CLMP: variants seen among roughly 807,000 people sequenced by gnomAD.
The protein encoded by CLMP is CXADR-like membrane protein.
CLMP carries 27 observed loss-of-function variants against 45.2 expected under a neutral mutation model. The observed-to-expected ratio is 0.60, with a 90% confidence interval of 0.44 to 0.82. The LOEUF (loss-of-function observed/expected upper bound fraction) is 0.82. CLMP is among the 40% of genes least tolerant of loss of function. The pLI is 0.00. For missense variants in CLMP, 403 were observed against 448.4 expected, an observed-to-expected ratio of 0.90 and a Z score of 0.91; for synonymous variants, 167 against 171.4, an observed-to-expected ratio of 0.97 and a Z score of 0.20.
chr11:123,170,307 A>G (rs917024238), intron 1 of CLMP, among the ~76,000 whole-genome samples: 2 of 152,162 alleles, frequency 1.3e-5, no homozygotes, highest in Non-Finnish European at 2.9e-5. Context: ...CATGGTTTGT[A>G]GGGCAAACTC....
chr11:123,103,233 G>A lies in CLMP; in HGVS notation c.29-5281C>T, dbSNP rs545828931. Among the ~76,000 whole-genome samples the A allele has an allele frequency of 2.6e-5, 4 of 152,274 alleles. No homozygotes were observed. In the East Asian group the frequency reaches 5.8e-4, roughly 22 times the overall value. On this transcript the variant is annotated intron_variant, in intron 1 of 6. Transcript: ENST00000448775. Reference sequence around the variant, plus strand: ...TTAAGAAGGAGCTTTGTAAGAAGGAGCTCTGGCTTAACCCTGATCACTTTC... The same window carrying A: ...TTAAGAAGGAGCTTTGTAAGAAGGAACTCTGGCTTAACCCTGATCACTTTC...
intron 1 of CLMP, among the ~76,000 whole-genome samples, chr11:123,114,942 A>G (rs1400392607): frequency 1.3e-5 from 2 of 152,186 alleles, no homozygotes; most frequent in Non-Finnish European, 2.9e-5. Flanking sequence ...TACCCTGAAC[A>G]GTATATTGGA....
chr11:123,130,929 GC>G (rs1346721917), intron 1 of CLMP, among the ~76,000 whole-genome samples: 2 of 143,300 alleles, frequency 1.4e-5, no homozygotes, highest in Non-Finnish European at 3.0e-5. Context: ...TGCAACCCCT[GC>G]CTCCCGGGTT....
chr11:123,169,800 G>T (rs757163789), intron 1 of CLMP, among the ~76,000 whole-genome samples: 2 of 152,208 alleles, frequency 1.3e-5, no homozygotes, highest in Non-Finnish European at 2.9e-5. Context: ...GTCCAGAAAG[G>T]TGGGACAACT....
chr11:123,140,217 T>G (rs1213390732), intron 1 of CLMP, among the ~76,000 whole-genome samples: 1 of 152,136 alleles, frequency 6.6e-6, no homozygotes, highest in Non-Finnish European at 1.5e-5. Context: ...GTTATCTGGG[T>G]CGCTCAGGAG....
chr11:123,143,501 T>C (rs983757516), intron 1 of CLMP, among the ~76,000 whole-genome samples: 3 of 146,574 alleles, frequency 2.0e-5, no homozygotes, highest in African/African-American at 7.8e-5. Context: ...TTAGCTGCCA[T>C]GTGAACCGCC....
intron 1 of CLMP, among the ~76,000 whole-genome samples, chr11:123,100,581 G>GCC (rs113537613): frequency 0.74 from 112,483 of 151,318 alleles, 43,045 homozygotes; most frequent in African/African-American, 0.94. Context: ...TCTTTCCCCA[G>GCC]GCGGCGCCTC....
chr11:123,110,820 A>G (rs1401693025), intron 1 of CLMP, among the ~76,000 whole-genome samples: 1 of 152,214 alleles, frequency 6.6e-6, no homozygotes, highest in African/African-American at 2.4e-5. Context: ...TTTGGGCTTA[A>G]TATGTTGACT....
chr11:123,188,716 A>G (rs1861865238), intron 1 of CLMP: 2 of 152,296 alleles, frequency 1.3e-5, no homozygotes, highest in Admixed American at 6.5e-5. Context: ...ACAGTGACCC[A>G]ACCGACTGCT....
intron 1 of CLMP, among the ~76,000 whole-genome samples, chr11:123,122,187 T>C (rs1286026364): frequency 6.6e-6 from 1 of 152,220 alleles, no homozygotes; most frequent in African/African-American, 2.4e-5. Context: ...GTTTTTATTT[T>C]TTAATTTTTT....
intron 1 of CLMP, among the ~76,000 whole-genome samples, chr11:123,104,409 G>A (rs1860505836): frequency 6.7e-6 from 1 of 149,894 alleles, no homozygotes; most frequent in Non-Finnish European, 1.5e-5. Flanking sequence ...TCCCCAGACG[G>A]AGTCTCGCCC....
intron 2 of CLMP, among the ~76,000 whole-genome samples, chr11:123,089,199 A>G (rs139877933): frequency 6.6e-6 from 1 of 151,812 alleles, no homozygotes; most frequent in African/African-American, 2.4e-5. Flanking sequence ...AGCTTGGCCA[A>G]CGTGGTGAAA....
intron 3 of CLMP, 143 bp from the exon 4 acceptor site, chr11:123,083,990 C>G: frequency 1.2e-6 from 1 of 855,948 alleles, no homozygotes; most frequent in Non-Finnish European, 1.8e-6. Context: ...ACTAGCCTTG[C>G]TTTACACTAC....
chr11:123,158,589 G>T (rs1861445201), intron 1 of CLMP, among the ~76,000 whole-genome samples: 2 of 152,238 alleles, frequency 1.3e-5, no homozygotes, highest in Middle Eastern at 3.4e-3. Context: ...CATGCTGTTG[G>T]GTGTATTATT....
At chr11:123,150,443 GAAAGAAA>G (rs1306920101) in intron 1 of CLMP, among the ~76,000 whole-genome samples, 1 of 72,782 alleles carries the variant, frequency 1.4e-5, no homozygotes, top group Non-Finnish European at 2.8e-5. Flanking sequence ...AAGAAAGAAA[GAAAGAAA>G]GAAAGAAAGA....
chr11:123,117,775 C>G (rs1860737988), intron 1 of CLMP, among the ~76,000 whole-genome samples: 1 of 152,142 alleles, frequency 6.6e-6, no homozygotes. Flanking sequence ...GCTGTGCGTG[C>G]CACCCTGATA....
At chr11:123,181,359 G>A (rs1022151695) in intron 1 of CLMP, among the ~76,000 whole-genome samples, 2 of 152,168 alleles carry the variant, frequency 1.3e-5, no homozygotes, top group Non-Finnish European at 2.9e-5. Context: ...CTAGGTCCCA[G>A]GCTCTCTGCA....
In CLMP at chr11:123,101,242, G is replaced by A. The variant is rs140765244; in HGVS notation, c.29-3290C>T. On this transcript the variant is annotated intron_variant, in intron 1 of 6. Transcript: ENST00000448775. ...TCCTGTCTCAGTCTCTGGAGTAGCT[G>A]GGATTATAGGCGTGTGCCACACCGG... Among the ~76,000 whole-genome samples, 578 of 152,254 alleles carry A rather than the reference G, an allele frequency of 3.8e-3. 5 individuals are homozygous for A. Among genetic ancestry groups the A allele is most frequent in the East Asian group, 0.026 (136 of 5,188 alleles).
In CLMP at chr11:123,083,752, TG is replaced by T; in HGVS notation, c.483del (p.Ile162LeufsTer62). 6.2e-7 allele frequency: 1 copy of T among 1,614,108 alleles called. No homozygotes were observed. Among genetic ancestry groups the T allele is most frequent in the Non-Finnish European group, 8.5e-7 (1 of 1,180,030 alleles). On this transcript the variant is annotated frameshift_variant, in exon 4 of 7. Coordinates refer to ENST00000448775, the MANE Select transcript of CLMP (RefSeq NM_024769.5). LOFTEE classifies it high-confidence loss of function. ...CGGATTCGCTGCCAGTAATACACAA[TG>T]GGCTCTGTGCCAGAGGATGACTCAC... ...LQCESSSGTEPIVYYWQRIRE... is the reference protein window; with the variant it reads ...LQCESSSGTEXIVYYWQRIRE...
Sources: gnomAD v4.1 joint callset for allele counts (sites outside exome capture counted in the v4.1 genomes callset) on GRCh38, gnomAD v4.1.1 for gene constraint, MANE v1.5 for transcripts, NCBI Gene and HGNC (gene_info 2026-07-23, HGNC 2026-07-21) for gene names.